The following DMD variants were observed in gnomAD, a reference collection of about 807,000 sequenced individuals.
DMD encodes the protein mutant dystrophin.
A neutral mutation model predicts 330.1 loss-of-function variants in DMD; 63 were observed. The observed-to-expected ratio is 0.19, with a 90% CI of 0.16 to 0.24. The LOEUF (loss-of-function observed/expected upper bound fraction) is 0.24. Ranked by LOEUF, DMD falls within the 10% of genes least tolerant of loss-of-function variation. The pLI is 1.00. For synonymous variants in DMD, 1,223 were observed against 959.8 expected (o/e 1.27, Z -5.07); for missense variants, 3,344 against 2,684.1 (o/e 1.25, Z -5.43).
intron 62 of DMD, among the ~76,000 whole-genome samples, chrX:31,314,209 C>T (rs1341600625): frequency 1.8e-5 from 2 of 112,206 alleles, no homozygotes; most frequent in Non-Finnish European, 3.8e-5. Flanking sequence ...AGATGAAACA[C>T]TTTGTCATTT....
intron 9 of DMD, among the ~76,000 whole-genome samples, chrX:32,675,712 T>A (rs976698443): frequency 9.0e-6 from 1 of 111,571 alleles, no homozygotes; most frequent in Non-Finnish European, 1.9e-5. Flanking sequence ...CACAGCTGCT[T>A]TTCATGTGCA....
chrX:33,012,636 C>T (rs1420557039), intron 2 of DMD, among the ~76,000 whole-genome samples: 2 of 110,916 alleles, frequency 1.8e-5, no homozygotes, highest in African/African-American at 6.5e-5. Flanking sequence ...TTTTGAGTAC[C>T]CATACATGCA....
intron 53 of DMD, among the ~76,000 whole-genome samples, chrX:31,664,390 A>C (rs1438608053): frequency 8.9e-6 from 1 of 111,745 alleles, no homozygotes. Context: ...CCAAAAGCCA[A>C]TGCCTATGGA....
intron 48 of DMD, among the ~76,000 whole-genome samples, chrX:31,854,585 G>C (rs920025919): frequency 1.2e-4 from 13 of 111,609 alleles, no homozygotes; most frequent in Non-Finnish European, 2.4e-4. Context: ...AACTTGCCTA[G>C]GGCACAACCT....
chrX:31,868,506 A>G (rs1399952578), intron 48 of DMD, among the ~76,000 whole-genome samples: 6 of 112,089 alleles, frequency 5.4e-5, no homozygotes, highest in African/African-American at 1.6e-4. Flanking sequence ...TGAAAAAAAT[A>G]TATAACCAAG....
intron 59 of DMD, among the ~76,000 whole-genome samples, chrX:31,453,224 C>T (rs996455330): frequency 6.3e-5 from 7 of 110,843 alleles, no homozygotes; most frequent in African/African-American, 1.6e-4. Flanking sequence ...GGTGTGATCT[C>T]GATCTCAGCT....
chrX:32,027,490 A>T (rs966110645), intron 44 of DMD, among the ~76,000 whole-genome samples: 5 of 111,176 alleles, frequency 4.5e-5, no homozygotes, highest in African/African-American at 1.6e-4. Flanking sequence ...CTTGGTTTGT[A>T]GTTCTCATTA....
intron 2 of DMD, among the ~76,000 whole-genome samples, chrX:32,953,089 C>T (rs1319244239): frequency 1.1e-4 from 11 of 101,609 alleles, no homozygotes; most frequent in African/African-American, 2.9e-4. Context: ...GAGCAGAGAT[C>T]GCGTCACTGC....
intron 44 of DMD, among the ~76,000 whole-genome samples, chrX:32,192,395 C>A (rs1022575965): frequency 2.4e-4 from 27 of 111,706 alleles, no homozygotes; most frequent in Non-Finnish European, 1.1e-4. Context: ...CTAACCACAT[C>A]TCTCAGCATT....
At chrX:31,706,054 A>G (rs2084160890) in intron 52 of DMD, among the ~76,000 whole-genome samples, 1 of 111,082 alleles carries the variant, frequency 9.0e-6, no homozygotes, top group Admixed American at 9.6e-5. Flanking sequence ...TTGGGTGGTC[A>G]CTGATACTTT....
intron 60 of DMD, among the ~76,000 whole-genome samples, chrX:31,351,415 C>T (rs1419198883): frequency 9.0e-6 from 1 of 110,724 alleles, no homozygotes; most frequent in Non-Finnish European, 1.9e-5. Flanking sequence ...GTTCTTGCTA[C>T]TATTATGGTT....
chrX:32,857,668 G>A (rs1603449577), intron 2 of DMD, among the ~76,000 whole-genome samples: 1 of 112,013 alleles, frequency 8.9e-6, no homozygotes, highest in East Asian at 2.8e-4. Context: ...CAAGAAGTAT[G>A]TGCGTGATAA....
chrX:32,027,300 T>C (rs1268716531), intron 44 of DMD, among the ~76,000 whole-genome samples: 1 of 110,557 alleles, frequency 9.0e-6, no homozygotes, highest in Non-Finnish European at 1.9e-5. Context: ...ATAGAAATGC[T>C]GTACCTCCCC....
chrX:32,685,116 A>G (rs974994726), intron 9 of DMD, among the ~76,000 whole-genome samples: 9 of 111,427 alleles, frequency 8.1e-5, no homozygotes, highest in African/African-American at 2.9e-4. Context: ...GCCAATAAGC[A>G]ATTATTAAAT....
intron 34 of DMD, 109 bp from the exon 35 acceptor site, chrX:32,365,308 C>CTAT (rs1424959535): frequency 5.5e-5 from 41 of 739,052 alleles, no homozygotes; most frequent in Non-Finnish European, 3.6e-5. Context: ...GGTTTTAAAC[C>CTAT]TATAACTATG....
intron 1 of DMD, among the ~76,000 whole-genome samples, chrX:33,208,736 TTGTA>T (rs2051720483): frequency 9.0e-6 from 1 of 110,954 alleles, no homozygotes; most frequent in African/African-American, 3.3e-5. Flanking sequence ...ACTGTGTTTC[TTGTA>T]TGTGTGATGA....
chrX:33,099,682 G>T (rs996824050), intron 1 of DMD, among the ~76,000 whole-genome samples: 9 of 111,954 alleles, frequency 8.0e-5, no homozygotes, highest in African/African-American at 2.9e-4. Flanking sequence ...CTCTAGAATA[G>T]TTCTCATTTC....
intron 63 of DMD, among the ~76,000 whole-genome samples, chrX:31,243,415 T>G (rs5972348): frequency 0.056 from 6,281 of 111,781 alleles, 303 homozygotes; most frequent in African/African-American, 0.15. Flanking sequence ...TGTACAGTAT[T>G]TATGTAACCA....
At chrX:31,886,726 G>C (rs1265648451) in intron 47 of DMD, among the ~76,000 whole-genome samples, 1 of 111,522 alleles carries the variant, frequency 9.0e-6, no homozygotes, top group Admixed American at 9.5e-5. Context: ...AATATCTCTG[G>C]GAGTGGGGTT....
Sources: allele counts gnomAD v4.1 joint callset (sites outside exome capture counted in the v4.1 genomes callset), GRCh38; gene constraint gnomAD v4.1.1; transcripts MANE v1.5; gene names NCBI Gene and HGNC (gene_info 2026-07-23, HGNC 2026-07-21).